Variants in TNFRSF9 observed in about 807,000 individuals in gnomAD.
The protein encoded by TNFRSF9 is tumor necrosis factor receptor superfamily member 9.
TNFRSF9 carries 16 observed loss-of-function variants against 28.8 expected under a neutral mutation model. The observed-to-expected ratio is 0.55, with a 90% CI of 0.38 to 0.84. The LOEUF is 0.84. Ranked by LOEUF, TNFRSF9 falls within the 40% of genes least tolerant of loss-of-function variation. The probability of loss-of-function intolerance (pLI) is 0.00; values close to 1 mark genes in which losing one functional copy is unlikely to be tolerated. For missense variants in TNFRSF9, 303 were observed against 315.0 expected, an observed-to-expected ratio of 0.96 and a Z score of 0.29; for synonymous variants, 131 against 117.0, an observed-to-expected ratio of 1.12 and a Z score of -0.77.
intron 7 of TNFRSF9, among the ~76,000 whole-genome samples, chr1:7,924,297 A>ATG: frequency 9.8e-4 from 1 of 1,020 alleles, no homozygotes; most frequent in African/African-American, 1.3e-3. Context: ...TATATTCCAT[A>ATG]TATATATATA....
intron 7 of TNFRSF9, among the ~76,000 whole-genome samples, chr1:7,924,554 G>C (rs997870830): frequency 6.6e-6 from 1 of 151,996 alleles, no homozygotes; most frequent in Non-Finnish European, 1.5e-5. Flanking sequence ...TTGAACCCGG[G>C]AGGCAGAGGT....
Position 7,940,009 on chromosome 1 carries a change from C to T in TNFRSF9, c.-15G>A, listed in dbSNP as rs756640313. The T allele has an allele frequency of 2.6e-6, 4 of 1,568,452 alleles. No individual in the cohort carries two copies. The highest frequency in any genetic ancestry group is 1.3e-5 in the African/African-American group (1 of 74,332). On this transcript the variant is annotated 5_prime_UTR_variant, in exon 2 of 8. The change creates a new upstream start codon in the 5' untranslated region. Coordinates refer to ENST00000377507, the MANE Select transcript of TNFRSF9 (RefSeq NM_001561.6). ...CTGTTTCCCATGATGAAATCTGGCA[C>T]AGGTATGATACTAGCAAAGCTGATT... is the stretch of plus-strand genomic sequence containing the variant.
chr1:7,920,902 G>A lies in TNFRSF9; in HGVS notation c.701C>T (p.Thr234Ile). Residue 234 changes from threonine (T) to isoleucine (I), a missense_variant, in exon 8 of 8, where the codon ACT becomes ATT. Coordinates refer to ENST00000377507, the MANE Select transcript of TNFRSF9 (RefSeq NM_001561.6). ...FKQPFMRPVQ[T>I]TQEEDGCSCR... ...GCTACAGCCATCTTCCTCTTGAGTA[G>A]TTTGTACTGGTCTCATAAATGCTAA... 1 of 1,613,402 alleles carries A rather than the reference G, an allele frequency of 6.2e-7. No homozygotes were observed. Among genetic ancestry groups the A allele is most frequent in the Non-Finnish European group, 8.5e-7 (1 of 1,179,710 alleles).
intron 6 of TNFRSF9, among the ~76,000 whole-genome samples, chr1:7,934,485 C>T (rs998763926): frequency 7.3e-5 from 11 of 151,668 alleles, no homozygotes; most frequent in Non-Finnish European, 1.2e-4. Flanking sequence ...CCGAGGTGGG[C>T]GGATCATGCG....
At chr1:7,937,847 A>G (rs1017767302) in intron 4 of TNFRSF9, 91 bp from the exon 5 acceptor site, 4 of 1,122,844 alleles carry the variant, frequency 3.6e-6, no homozygotes, top group East Asian at 2.4e-5. Flanking sequence ...AGTCATTACC[A>G]TAATGCAATC....
intron 7 of TNFRSF9, among the ~76,000 whole-genome samples, chr1:7,927,892 G>A (rs1444414489): frequency 2.0e-5 from 3 of 152,008 alleles, no homozygotes; most frequent in African/African-American, 7.2e-5. Flanking sequence ...CTACTGACTG[G>A]GAGAAAATAT....
At chr1:7,932,716 G>C (rs201870103) in intron 7 of TNFRSF9, among the ~76,000 whole-genome samples, 10 of 144,572 alleles carry the variant, frequency 6.9e-5, no homozygotes, top group African/African-American at 2.4e-4. Flanking sequence ...CACACACACA[G>C]ACACGCACAC....
At chr1:7,921,835 A>G (rs1345566489) in intron 7 of TNFRSF9, 2 of 152,190 alleles carry the variant, frequency 1.3e-5, no homozygotes, top group African/African-American at 4.8e-5. Flanking sequence ...CATTAGCTAA[A>G]AAAGCATGAA....
intron 7 of TNFRSF9, among the ~76,000 whole-genome samples, chr1:7,930,112 G>A (rs1433462276): frequency 6.6e-6 from 1 of 151,804 alleles, no homozygotes; most frequent in East Asian, 1.9e-4. Flanking sequence ...TGGGATTACA[G>A]GCATGCACCA....
rs144908104 is a variant in TNFRSF9, at chr1:7,933,176, T to C, written c.665A>G (p.Tyr222Cys). 9.9e-6 allele frequency: 16 copies of C among 1,613,726 alleles called. No homozygotes were observed. The highest frequency in any genetic ancestry group is 5.3e-5 in the African/African-American group (4 of 74,902). ...GTTAATCTTACGTTGTTTGAATATATACAGGAGTTTCTTTCTGCCCCGTTT... is the reference window on the plus strand; with the variant it reads ...GTTAATCTTACGTTGTTTGAATATACACAGGAGTTTCTTTCTGCCCCGTTT... ...VVKRGRKKLL[Y>C]IFKQPFMRPV... Residue 222 changes from tyrosine (Y) to cysteine (C), a missense_variant, in exon 7 of 8, where the codon TAT (tyrosine) becomes TGT (cysteine). Physicochemically the swap from Tyr to Cys is radical, Grantham distance 194 (BLOSUM62 -2). Coordinates refer to ENST00000377507, the MANE Select transcript of TNFRSF9 (RefSeq NM_001561.6).
At position 7,920,726 on chromosome 1, in the gene TNFRSF9, T is replaced by G. The variant is rs1432890773; in HGVS notation, c.*109A>C. The G allele has an allele frequency of 8.2e-6, 7 of 853,246 alleles. No individual in the cohort carries two copies. The African/African-American group carries it at 1.2e-4, about 15-fold the overall frequency. The allele number at this position is 853,246 out of a possible 1,614,324, so 52.9% of individuals were successfully genotyped here. ...AAAAGAACGTGTGTTGGGGGAATCCTGGGTATTATGTAGGATGGTGTTCTT... is the reference window on the plus strand; with the variant it reads ...AAAAGAACGTGTGTTGGGGGAATCCGGGGTATTATGTAGGATGGTGTTCTT... On this transcript the variant is annotated 3_prime_UTR_variant, in exon 8 of 8. Transcript: ENST00000377507.
At chr1:7,924,779 G>A (rs1211422633) in intron 7 of TNFRSF9, among the ~76,000 whole-genome samples, 1 of 152,126 alleles carries the variant, frequency 6.6e-6, no homozygotes, top group Non-Finnish European at 1.5e-5. Flanking sequence ...TCTTCCAGTG[G>A]GACAAGATGT....
chr1:7,923,118 G>A (rs1300825866), intron 7 of TNFRSF9, among the ~76,000 whole-genome samples: 2 of 151,990 alleles, frequency 1.3e-5, no homozygotes, highest in East Asian at 2.0e-4. Context: ...GGCCAGGCTG[G>A]TCTCAAACTC....
Position 7,916,403 on chromosome 1 carries a change from G to A in TNFRSF9, c.*4432C>T, listed in dbSNP as rs1639478479. 2 of 152,170 alleles carry A rather than the reference G, an allele frequency of 1.3e-5. No homozygotes were observed. The highest frequency in any genetic ancestry group is 4.1e-4 in the South Asian group (2 of 4,832). The allele number at this position is 152,170 out of a possible 1,614,324, so 9.4% of individuals were successfully genotyped here. On this transcript the variant is annotated 3_prime_UTR_variant, in exon 8 of 8. Coordinates refer to ENST00000377507, the MANE Select transcript of TNFRSF9 (RefSeq NM_001561.6). ...TTTTTCATTTATAGCTTTTGCACAT[G>A]ATACCAGAATAGGCTATGATAAAAA...
intron 7 of TNFRSF9, among the ~76,000 whole-genome samples, chr1:7,927,758 C>T (rs567285281): frequency 2.0e-4 from 30 of 151,244 alleles, no homozygotes; most frequent in African/African-American, 6.8e-4. Context: ...ATCTTTGAGA[C>T]CCAGGACTCA....
At chr1:7,933,355 A>G (rs981758476) in intron 6 of TNFRSF9, 59 bp from the exon 7 acceptor site, 15 of 1,545,400 alleles carry the variant, frequency 9.7e-6, no homozygotes, top group Non-Finnish European at 1.3e-5. Flanking sequence ...TCATACACCC[A>G]TGTATATATT....
chr1:7,925,853 G>A (rs1417736734), intron 7 of TNFRSF9, among the ~76,000 whole-genome samples: 1 of 152,134 alleles, frequency 6.6e-6, no homozygotes, highest in East Asian at 1.9e-4. Flanking sequence ...ATGGGGAGGG[G>A]CTATAAATAC....
chr1:7,932,703 GCACACACA>G (rs540062525), intron 7 of TNFRSF9, among the ~76,000 whole-genome samples: 2 of 144,886 alleles, frequency 1.4e-5, no homozygotes, highest in Non-Finnish European at 3.0e-5. Context: ...ACACACACAC[GCACACACA>G]CACAGACACG....
intron 7 of TNFRSF9, among the ~76,000 whole-genome samples, chr1:7,927,274 T>C (rs1372652310): frequency 1.3e-5 from 2 of 152,174 alleles, no homozygotes; most frequent in African/African-American, 4.8e-5. Flanking sequence ...CTAGCACCTA[T>C]TGTTCAAAGG....
Sources: allele counts gnomAD v4.1 joint callset (sites outside exome capture counted in the v4.1 genomes callset), GRCh38; gene constraint gnomAD v4.1.1; transcripts MANE v1.5; gene names NCBI Gene and HGNC (gene_info 2026-07-23, HGNC 2026-07-21).